Variants in F5 observed in about 807,000 individuals in gnomAD.
The protein encoded by F5 is coagulation factor V.
A neutral mutation model predicts 216.4 loss-of-function variants in F5; 138 were observed. That is an observed-to-expected ratio of 0.64 (90% CI 0.56 to 0.73). The LOEUF (loss-of-function observed/expected upper bound fraction) is 0.73, where lower values mean the gene tolerates loss of function less well. F5 is among the 30% of genes least tolerant of loss of function. The pLI is 0.00. For synonymous variants in F5, 916 were observed against 930.7 expected (o/e 0.98, Z 0.29); for missense variants, 2,403 against 2,674.0 (o/e 0.90, Z 2.24).
chr1:169,541,952 C>T lies in F5; in HGVS notation c.3138G>A (p.Arg1046=). The change falls in exon 13 of 25, where the codon AGG becomes AGA. Residue 1046 remains arginine, a synonymous_variant. Coordinates refer to ENST00000367797, the MANE Select transcript of F5 (RefSeq NM_000130.5). ...KHTHHAPLSP[R]TFHPLRSEAY... ...CTTCACTTCTTAGAGGGTGAAAGGT[C>T]CTCGGAGATAAAGGAGCATGGTGTG... 6.2e-7 allele frequency: 1 copy of T among 1,614,096 alleles called. No individual in the cohort carries two copies. Among genetic ancestry groups the T allele is most frequent in the South Asian group, 1.1e-5 (1 of 91,076 alleles).
chr1:169,548,011 T>C (rs1445058271), intron 10 of F5, among the ~76,000 whole-genome samples: 1 of 152,044 alleles, frequency 6.6e-6, no homozygotes, highest in Non-Finnish European at 1.5e-5. Flanking sequence ...TATGTGACCA[T>C]CAAAAAGAAC....
rs891892939 is a variant in F5 at position 169,514,188 on chromosome 1, C to T, written c.*125G>A. 2 of 1,020,402 alleles carry T rather than the reference C, an allele frequency of 2.0e-6. No individual in the cohort carries two copies. The highest frequency in any genetic ancestry group is 2.0e-5 in the Admixed American group (1 of 49,016). 63.2% of individuals were successfully genotyped at this position (1,020,402 alleles called of 1,614,324 possible). The stretch of plus-strand genomic sequence containing the variant: ...AGCTTCTTGTATAAAATTTTATTCA[C>T]TAATAGAAAAGAAAGAGAAATAGTG... On this transcript the variant is annotated 3_prime_UTR_variant, in exon 25 of 25. Coordinates refer to ENST00000367797, the MANE Select transcript of F5 (RefSeq NM_000130.5).
chr1:169,526,243 A>G (rs1357076728), intron 17 of F5, among the ~76,000 whole-genome samples: 1 of 152,182 alleles, frequency 6.6e-6, no homozygotes, highest in African/African-American at 2.4e-5. Flanking sequence ...ACACCTCACT[A>G]GAAGAAACTT....
At chr1:169,552,059 C>T (rs1449127804) in intron 8 of F5, among the ~76,000 whole-genome samples, 3 of 152,110 alleles carry the variant, frequency 2.0e-5, no homozygotes, top group Non-Finnish European at 4.4e-5. Flanking sequence ...ATCTATTATG[C>T]TGGTTATAAG....
intron 10 of F5, among the ~76,000 whole-genome samples, chr1:169,547,580 A>G (rs1660043247): frequency 6.6e-6 from 1 of 152,248 alleles, no homozygotes; most frequent in South Asian, 2.1e-4. Context: ...CAAAGAGCAT[A>G]TGAAAAAAAC....
chr1:169,531,000 G>T lies in F5; in HGVS notation c.4994C>A (p.Ser1665Tyr), dbSNP rs374124232. 2 of 1,613,126 alleles carry T rather than the reference G, an allele frequency of 1.2e-6. No individual in the cohort carries two copies. The highest frequency in any genetic ancestry group is 2.2e-5 in the South Asian group (2 of 91,074). Residue 1665 changes from serine to tyrosine, a missense_variant, in exon 15 of 25, where the codon TCC (serine) becomes TAC (tyrosine). Physicochemically the swap from Ser to Tyr is moderately radical, Grantham distance 144 (BLOSUM62 -2). Around this residue, in one of 4 missense-constraint regions of F5, gnomAD observed 659 missense variants for 787.9 expected, o/e 0.84. Transcript: ENST00000367797. ...VIQVRFKNLA[S>Y]RPYSLHAHGL... ...ATGGGCATGTAGAGAATACGGTCTG[G>T]ATGCTAAATTTTTAAAACGAACCTA...
intron 1 of F5, among the ~76,000 whole-genome samples, chr1:169,584,525 A>G (rs1055014978): frequency 2.0e-5 from 3 of 152,232 alleles, no homozygotes; most frequent in African/African-American, 7.2e-5. Context: ...AATAATAGAT[A>G]CATTTTACCT....
rs148448490 is a variant in F5, at chr1:169,577,628, C to T, written c.250+4803G>A. Among the ~76,000 whole-genome samples the T allele has an allele frequency of 4.2e-5, 5 of 119,250 alleles. No individual in the cohort carries two copies. In the East Asian group the frequency reaches 1.2e-3, roughly 28 times the overall value. The allele number at this position is 119,250 out of a possible 152,430, so 78.2% of individuals were successfully genotyped here. On this transcript the variant is annotated intron_variant, in intron 2 of 24. Coordinates refer to ENST00000367797, the MANE Select transcript of F5 (RefSeq NM_000130.5). ...ATGTATGTATTTTTTTAAATAGAAA[C>T]AGAGTCTCACTACATTGCCCAGGCT...
chr1:169,550,280 C>CT (rs1660133047), intron 9 of F5, among the ~76,000 whole-genome samples: 1 of 75,422 alleles, frequency 1.3e-5, no homozygotes, highest in Non-Finnish European at 2.4e-5. Flanking sequence ...TCCCTCCCCC[C>CT]GCCCCCCACC....
rs199572852 is a variant in F5, at chr1:169,527,363, T to C, written c.5599+552A>G. Reference sequence around the variant, plus strand: ...TCTGTATAATTGTAGACTGTTTAAATCTACATTTATCTTTATTTTGCACAT... The same window carrying C: ...TCTGTATAATTGTAGACTGTTTAAACCTACATTTATCTTTATTTTGCACAT... On this transcript the variant is annotated intron_variant, in intron 17 of 24. Coordinates refer to ENST00000367797, the MANE Select transcript of F5 (RefSeq NM_000130.5). Among the ~76,000 whole-genome samples, 11 of 152,348 alleles carry C rather than the reference T, an allele frequency of 7.2e-5. No homozygotes were observed. In the East Asian group the frequency reaches 2.1e-3, roughly 29 times the overall value.
chr1:169,555,728 GT>G (rs1244446081), intron 6 of F5, among the ~76,000 whole-genome samples: 8 of 150,016 alleles, frequency 5.3e-5, no homozygotes, highest in African/African-American at 2.0e-4. Flanking sequence ...TAATAAAATT[GT>G]TGTTAAAAAT....
rs1330274763 is a variant in F5 at position 169,540,623 on chromosome 1, C to T, written c.4467G>A (p.Gln1489=). The change falls in exon 13 of 25, where the codon CAG becomes CAA. Residue 1489 remains glutamine (Q), a synonymous_variant. Transcript: ENST00000367797. ...NESFPYPDLG[Q]MPSPSSPTLN... is the part of the protein sequence containing the mutation. ...GAGTAGGAGATGAAGGAGATGGCATCTGACCAAGGTCTGGATAAGGAAAAG... is the reference window on the plus strand; with the variant it reads ...GAGTAGGAGATGAAGGAGATGGCATTTGACCAAGGTCTGGATAAGGAAAAG... The T allele has an allele frequency of 6.2e-7, 1 of 1,613,958 alleles. No individual in the cohort carries two copies. The highest frequency in any genetic ancestry group is 1.3e-5 in the African/African-American group (1 of 74,906).
At chr1:169,548,593 C>T (rs1660071500) in intron 10 of F5, among the ~76,000 whole-genome samples, 1 of 152,130 alleles carries the variant, frequency 6.6e-6, no homozygotes, top group Non-Finnish European at 1.5e-5. Flanking sequence ...AAGAGCCGGG[C>T]ACAGTGGCTC....
intron 10 of F5, 36 bp downstream of exon 10, chr1:169,549,765 C>G (rs990770714): frequency 1.3e-6 from 2 of 1,512,978 alleles, no homozygotes; most frequent in Non-Finnish European, 1.8e-6. Context: ...AAGAAATTCT[C>G]AGAATTTCTG....
intron 20 of F5, 86 bp downstream of exon 20, chr1:169,523,715 G>T: frequency 8.2e-7 from 1 of 1,212,274 alleles, no homozygotes; most frequent in Non-Finnish European, 1.2e-6. Flanking sequence ...TAACAACATT[G>T]CAAGAACAAT....
chr1:169,549,780 G>C, intron 10 of F5, 21 bp downstream of exon 10: 7 of 1,582,600 alleles, frequency 4.4e-6, no homozygotes, highest in Non-Finnish European at 6.1e-6. Flanking sequence ...TTTCTGAAAG[G>C]TTACTTCAAG....
At chr1:169,565,004 C>T (rs1206268781) in intron 3 of F5, among the ~76,000 whole-genome samples, 1 of 152,062 alleles carries the variant, frequency 6.6e-6, no homozygotes. Context: ...TATCATACGT[C>T]TTTTCTCTTG....
Position 169,529,641 on chromosome 1 carries a change from A to G in F5, c.5386T>C (p.Ser1796Pro), listed in dbSNP as rs1313911793. The G allele has an allele frequency of 3.1e-6, 5 of 1,613,636 alleles. No homozygotes were observed. The African/African-American group carries it at 4.0e-5, about 13-fold the overall frequency. Residue 1796 changes from serine (S) to proline (P), a missense_variant, in exon 16 of 25, where the codon TCC becomes CCC. Physicochemically the swap from Ser to Pro is moderately conservative, Grantham distance 74 (BLOSUM62 -1). This residue lies in a region of F5 where 659 missense variants were observed against 787.9 expected (regional missense o/e 0.84). Coordinates refer to ENST00000367797, the MANE Select transcript of F5 (RefSeq NM_000130.5). ...KKSRSSWRLT[S>P]SEMKKSHEFH... ...TCATGGGATTTTTTCATTTCTGAGG[A>G]TGTGAGTCTCCAAGAACTTCGGGAC...
chr1:169,542,875 A>G lies in F5; in HGVS notation c.2215T>C (p.Phe739Leu). Residue 739 changes from phenylalanine (F) to leucine (L), a missense_variant, in exon 13 of 25, where the codon TTC becomes CTC. Around this residue, in one of 4 missense-constraint regions of F5, gnomAD observed 1,425 missense variants for 1,554.8 expected, o/e 0.92. Coordinates refer to ENST00000367797, the MANE Select transcript of F5 (RefSeq NM_000130.5). ...RLAAALGIRS[F>L]RNSSLNQEEE... ...TCCTGATTCAATGATGAGTTTCGGAATGACCTGATTCCTAATGCTGCAGCC... is the reference window on the plus strand; with the variant it reads ...TCCTGATTCAATGATGAGTTTCGGAGTGACCTGATTCCTAATGCTGCAGCC... The G allele has an allele frequency of 6.2e-7, 1 of 1,614,152 alleles. No individual in the cohort carries two copies. The highest frequency in any genetic ancestry group is 1.1e-5 in the South Asian group (1 of 91,082).
Sources: allele counts gnomAD v4.1 joint callset (sites outside exome capture counted in the v4.1 genomes callset), GRCh38; gene constraint gnomAD v4.1.1; regional missense constraint gnomAD v4.1.1; transcripts MANE v1.5; gene names NCBI Gene and HGNC (gene_info 2026-07-23, HGNC 2026-07-21).